OGG1: variants seen among roughly 807,000 people sequenced by gnomAD.
The protein encoded by OGG1 is 8-oxoguanine DNA glycosylase.
In OGG1, 35 loss-of-function variants were observed where a neutral mutation model predicts 42.3. The ratio of observed to expected loss-of-function variants is 0.83; its 90% CI spans 0.63 to 1.10. The LOEUF is 1.10. OGG1 is among the 50% of genes least tolerant of loss of function. The probability of loss-of-function intolerance (pLI) is 0.00; values close to 1 mark genes in which losing one functional copy is unlikely to be tolerated. For synonymous variants in OGG1, 189 were observed against 179.0 expected (o/e 1.06, Z -0.44); for missense variants, 484 against 446.7 (o/e 1.08, Z -0.75).
At chr3:9,781,308 CACAA>C (rs962883029) in intron 2 of OGG1, among the ~76,000 whole-genome samples, 4 of 151,954 alleles carry the variant, frequency 2.6e-5, no homozygotes, top group African/African-American at 9.7e-5. Flanking sequence ...CATACACACA[CACAA>C]ACACACACAC....
rs2077217653 is a variant in OGG1 at position 9,749,968 on chromosome 3, GC to G, written c.-315del. On this transcript the variant is annotated 5_prime_UTR_variant, in exon 1 of 7. Coordinates refer to ENST00000344629, the MANE Select transcript of OGG1 (RefSeq NM_002542.6). ...CCTACTTCCGGTGGTGCTGTGGTCT[GC>G]CCCTGGAGAACCCAGAAGAACACAG... 2.6e-6 allele frequency: 1 copy of G among 387,984 alleles called. No homozygotes were observed. Among genetic ancestry groups the G allele is most frequent in the African/African-American group, 2.0e-5 (1 of 50,010 alleles). 24.0% of individuals were successfully genotyped at this position (387,984 alleles called of 1,614,324 possible).
intron 3 of OGG1, among the ~76,000 whole-genome samples, chr3:9,786,741 T>G (rs2078623356): frequency 6.6e-6 from 1 of 152,232 alleles, no homozygotes. Flanking sequence ...TAGGATATAG[T>G]AATGTTTCAT....
At position 9,763,116 on chromosome 3, in the gene OGG1, A is replaced by G. The variant is rs1196698521; in HGVS notation, c.1049-2693A>G. 1.9e-6 allele frequency: 3 copies of G among 1,614,154 alleles called. No homozygotes were observed. In the South Asian group the frequency reaches 3.3e-5, roughly 18 times the overall value. Reference sequence around the variant, plus strand: ...GGACAGCTGGGAGAGGTGTGGGGGCAGGGCAGAGGTTGGGCCACTCACAGC... The same window carrying G: ...GGACAGCTGGGAGAGGTGTGGGGGCGGGGCAGAGGTTGGGCCACTCACAGC... On this transcript the variant is annotated intron_variant, in intron 7 of 7. Transcript: ENST00000302008.
At chr3:9,784,136 C>T (rs749302221) in intron 3 of OGG1, 6 of 1,614,118 alleles carry the variant, frequency 3.7e-6, no homozygotes, top group Non-Finnish European at 5.1e-6. Flanking sequence ...CTCTGCGGGG[C>T]GGTCCTCAGA....
At chr3:9,766,564 C>T (rs2125595465) in exon 8 of OGG1, 1 of 732,404 alleles carries the variant, frequency 1.4e-6, no homozygotes, top group South Asian at 2.1e-5. Context: ...ACAAAATCCT[C>T]AGGTGATTTG....
chr3:9,755,385 A>G (rs1271221654), intron 4 of OGG1, among the ~76,000 whole-genome samples: 2 of 151,226 alleles, frequency 1.3e-5, no homozygotes, highest in Non-Finnish European at 2.9e-5. Context: ...CTTTCGTAAA[A>G]TGACATGTAC....
downstream of OGG1, among the ~76,000 whole-genome samples, chr3:9,771,028 T>C (rs1211497499): frequency 6.6e-6 from 1 of 152,040 alleles, no homozygotes; most frequent in Non-Finnish European, 1.5e-5. Context: ...CTTCTTTTTT[T>C]CTTTTTCTTT....
rs776357627 is a variant in OGG1 at position 9,751,096 on chromosome 3, C to G, written c.289C>G (p.Arg97Gly). The G allele has an allele frequency of 6.2e-7, 1 of 1,614,092 alleles. No homozygotes were observed. Among genetic ancestry groups the G allele is most frequent in the African/African-American group, 1.3e-5 (1 of 75,026 alleles). The change falls in exon 2 of 7, where the codon CGC becomes GGC. Residue 97 changes from arginine to glycine, a missense_variant. Arg to Gly is a moderately radical substitution (Grantham distance 125). Transcript: ENST00000344629. ...RPTPDELEAV[R>G]KYFQLDVTLA... Reference sequence around the variant, plus strand: ...CACACCAGACGAGCTGGAGGCCGTGCGCAAGTACTTCCAGCTAGATGTTAC... The same window carrying G: ...CACACCAGACGAGCTGGAGGCCGTGGGCAAGTACTTCCAGCTAGATGTTAC...
chr3:9,758,633 CTT>C (rs903469289), downstream of OGG1: 4 of 162,026 alleles, frequency 2.5e-5, no homozygotes, highest in African/African-American at 9.7e-5. Context: ...CCTGAGAGCT[CTT>C]TCTTTTTTTT....
chr3:9,775,112 C>T (rs904747221), intron 2 of OGG1, among the ~76,000 whole-genome samples: 8 of 151,852 alleles, frequency 5.3e-5, no homozygotes, highest in Admixed American at 2.6e-4. Flanking sequence ...TGGTGGCACA[C>T]GCCTGTAACC....
At chr3:9,786,619 C>G (rs1305244824) in intron 3 of OGG1, among the ~76,000 whole-genome samples, 1 of 152,166 alleles carries the variant, frequency 6.6e-6, no homozygotes, top group South Asian at 2.1e-4. Context: ...TCCTGGCCTC[C>G]AGTGGGAGGA....
At chr3:9,778,238 A>C (rs293782) in intron 2 of OGG1, among the ~76,000 whole-genome samples, 30,594 of 152,108 alleles carry the variant, frequency 0.2, 3,412 homozygotes, top group African/African-American at 0.27. Flanking sequence ...TCATCATTGC[A>C]TGTGTGGGTG....
intron 2 of OGG1, among the ~76,000 whole-genome samples, chr3:9,779,261 G>C (rs1185151955): frequency 6.6e-6 from 1 of 152,186 alleles, no homozygotes; most frequent in African/African-American, 2.4e-5. Context: ...TTGCCACAGT[G>C]ACTGAGGAAT....
chr3:9,757,560 G>C (rs759183025), downstream of OGG1: 10 of 1,613,900 alleles, frequency 6.2e-6, no homozygotes, highest in Admixed American at 1.0e-4. The surrounding 1 kb of genome is among the most constrained non-coding windows in gnomAD (Gnocchi z 4.5). Flanking sequence ...GGGGCAGTGT[G>C]GGGGACAGTT....
intron 7 of OGG1, among the ~76,000 whole-genome samples, chr3:9,764,628 G>GTTTTTTTT (rs55972033): frequency 3.2e-5 from 3 of 92,324 alleles, no homozygotes; most frequent in Admixed American, 2.5e-4. Flanking sequence ...TTTTTTTTTT[G>GTTTTTTTT]TTTTTTTTTT....
chr3:9,754,949 C>A, intron 4 of OGG1, 64 bp downstream of exon 4: 1 of 1,434,920 alleles, frequency 7.0e-7, no homozygotes, highest in Non-Finnish European at 9.6e-7. Flanking sequence ...AGGAAATGAG[C>A]CAAGCCTGGG....
At chr3:9,751,378 T>C (rs1241437196) in intron 2 of OGG1, among the ~76,000 whole-genome samples, 186 bp downstream of exon 2, 1 of 152,222 alleles carries the variant, frequency 6.6e-6, no homozygotes, top group Non-Finnish European at 1.5e-5. Context: ...TTACCATTAT[T>C]ATTATCCTGC....
intron 3 of OGG1, chr3:9,785,221 A>G (rs2078579155): frequency 2.1e-6 from 2 of 932,196 alleles, no homozygotes; most frequent in Non-Finnish European, 1.7e-6. Context: ...AACTGCCCCC[A>G]GCCTCTTACT....
intron 7 of OGG1, chr3:9,765,714 A>C: frequency 6.2e-7 from 1 of 1,606,722 alleles, no homozygotes; most frequent in South Asian, 1.1e-5. Flanking sequence ...TGGGAGGGCC[A>C]AGGCAGGGTC....
Sources: gnomAD v4.1 joint callset for allele counts (sites outside exome capture counted in the v4.1 genomes callset) on GRCh38, gnomAD v4.1.1 for gene constraint, Gnocchi (gnomAD v3.1) non-coding constraint, MANE v1.5 for transcripts, NCBI Gene and HGNC (gene_info 2026-07-23, HGNC 2026-07-21) for gene names.